Variants in CSMD3 observed in about 807,000 individuals in gnomAD.
The protein encoded by CSMD3 is CUB and Sushi multiple domains 3, also known as CUB and sushi domain-containing protein 3.
A neutral mutation model predicts 435.2 loss-of-function variants in CSMD3; 177 were observed. That is an observed-to-expected ratio of 0.41 (90% confidence interval 0.36 to 0.46). CSMD3 has a LOEUF of 0.46. Among genes scored for constraint, CSMD3 ranks in the 20% least tolerant of loss-of-function variants. The pLI is 0.34. For synonymous variants in CSMD3, 1,656 were observed against 1,520.5 expected, an observed-to-expected ratio of 1.09 and a Z score of -2.07; for missense variants, 4,265 against 4,504.6, an observed-to-expected ratio of 0.95 and a Z score of 1.52.
intron 27 of CSMD3, among the ~76,000 whole-genome samples, chr8:112,530,230 A>G (rs528151106): frequency 6.6e-6 from 1 of 152,200 alleles, no homozygotes; most frequent in Non-Finnish European, 1.5e-5. Flanking sequence ...AAAACAGGAC[A>G]GTTTACTCAA....
intron 1 of CSMD3, among the ~76,000 whole-genome samples, chr8:113,416,192 A>T (rs1588689205): frequency 6.6e-6 from 1 of 152,228 alleles, no homozygotes; most frequent in East Asian, 1.9e-4. Context: ...GTCAATTTTC[A>T]GGTATTAAAG....
chr8:112,982,862 T>C (rs752042670), intron 6 of CSMD3, among the ~76,000 whole-genome samples: 1 of 152,136 alleles, frequency 6.6e-6, no homozygotes, highest in Middle Eastern at 3.4e-3. Flanking sequence ...TTTTTCAGGA[T>C]ATAAACATAA....
At chr8:112,633,823 A>G (rs2074581674) in intron 22 of CSMD3, among the ~76,000 whole-genome samples, 1 of 152,038 alleles carries the variant, frequency 6.6e-6, no homozygotes, top group African/African-American at 2.4e-5. Context: ...TATAACCTAT[A>G]TACACACAAA....
chr8:113,223,273 A>G (rs886691949), intron 3 of CSMD3, among the ~76,000 whole-genome samples: 1 of 150,674 alleles, frequency 6.6e-6, no homozygotes, highest in African/African-American at 2.4e-5. Context: ...AATGAAATTT[A>G]CTATAAATTA....
chr8:112,230,174 T>C (rs1243467221), intron 69 of CSMD3, among the ~76,000 whole-genome samples: 1 of 152,166 alleles, frequency 6.6e-6, no homozygotes, highest in Non-Finnish European at 1.5e-5. Flanking sequence ...TCCTTTTTTG[T>C]GGGTTCTGCT....
At chr8:113,197,097 T>C (rs552483297) in intron 3 of CSMD3, among the ~76,000 whole-genome samples, 5 of 151,340 alleles carry the variant, frequency 3.3e-5, no homozygotes, top group Admixed American at 6.6e-5. Context: ...GTGATAATAA[T>C]ATCTACCTCA....
intron 22 of CSMD3, among the ~76,000 whole-genome samples, chr8:112,606,450 G>A (rs1456602085): frequency 6.6e-6 from 1 of 152,164 alleles, no homozygotes; most frequent in East Asian, 1.9e-4. Flanking sequence ...ACGCTACCAT[G>A]AGATGTATGG....
chr8:113,180,666 T>C (rs2092410292), intron 3 of CSMD3, among the ~76,000 whole-genome samples: 1 of 152,066 alleles, frequency 6.6e-6, no homozygotes, highest in Admixed American at 6.6e-5. Flanking sequence ...TAGAATTAAA[T>C]GTTTAAATAC....
At chr8:113,247,614 G>T (rs2093289000) in intron 3 of CSMD3, among the ~76,000 whole-genome samples, 1 of 152,044 alleles carries the variant, frequency 6.6e-6, no homozygotes, top group Non-Finnish European at 1.5e-5. Context: ...TGTTCATGTT[G>T]CCTTTATGAG....
intron 10 of CSMD3, among the ~76,000 whole-genome samples, chr8:112,859,685 T>C (rs543871219): frequency 6.6e-6 from 1 of 151,900 alleles, no homozygotes; most frequent in Admixed American, 6.6e-5. Context: ...AATAGTGCAG[T>C]TGAGAACCAT....
intron 12 of CSMD3, among the ~76,000 whole-genome samples, chr8:112,810,262 A>G (rs968179548): frequency 6.6e-6 from 1 of 152,176 alleles, no homozygotes; most frequent in African/African-American, 2.4e-5. Flanking sequence ...ATAATCCCAA[A>G]GTAAAAGTAA....
chr8:113,060,287 T>G (rs1294228558), intron 5 of CSMD3, among the ~76,000 whole-genome samples: 8 of 147,376 alleles, frequency 5.4e-5, no homozygotes, highest in African/African-American at 2.0e-4. Flanking sequence ...GAATGATGGT[T>G]TCCAATTTCA....
intron 12 of CSMD3, among the ~76,000 whole-genome samples, chr8:112,827,356 T>C: frequency 6.6e-6 from 1 of 151,452 alleles, no homozygotes; most frequent in East Asian, 2.0e-4. Context: ...AATGCTGAGA[T>C]GGAAGTTTTT....
chr8:112,356,384 T>C (rs1826600120), intron 38 of CSMD3, among the ~76,000 whole-genome samples: 1 of 152,288 alleles, frequency 6.6e-6, no homozygotes, highest in Non-Finnish European at 1.5e-5. Flanking sequence ...GAGGCCATTA[T>C]CTGAGGAGAA....
intron 1 of CSMD3, among the ~76,000 whole-genome samples, chr8:113,358,128 T>C (rs1179635879): frequency 1.3e-5 from 2 of 152,218 alleles, no homozygotes; most frequent in Admixed American, 6.5e-5. Context: ...AATATAATAT[T>C]GTAATGTGTT....
At chr8:112,967,428 A>T (rs545094560) in intron 7 of CSMD3, among the ~76,000 whole-genome samples, 1 of 151,922 alleles carries the variant, frequency 6.6e-6, no homozygotes, top group East Asian at 1.9e-4. Flanking sequence ...CTCCTGGTGC[A>T]CTGAGTACAA....
At chr8:112,878,692 T>C (rs2081361444) in intron 10 of CSMD3, among the ~76,000 whole-genome samples, 2 of 152,044 alleles carry the variant, frequency 1.3e-5, no homozygotes, top group Non-Finnish European at 2.9e-5. Context: ...ATAGACTAGA[T>C]AAAGAAAATG....
intron 4 of CSMD3, among the ~76,000 whole-genome samples, chr8:113,105,072 C>T (rs2090434032): frequency 6.6e-6 from 1 of 151,398 alleles, no homozygotes; most frequent in African/African-American, 2.4e-5. Flanking sequence ...GGCATTCATT[C>T]AATAAAACTT....
intron 27 of CSMD3, among the ~76,000 whole-genome samples, chr8:112,522,313 A>G (rs1824377777): frequency 6.6e-6 from 1 of 151,958 alleles, no homozygotes; most frequent in Non-Finnish European, 1.5e-5. Context: ...TTCTAATTAT[A>G]TATAAGGAAT....
Sources: allele counts gnomAD v4.1 joint callset (sites outside exome capture counted in the v4.1 genomes callset), GRCh38; gene constraint gnomAD v4.1.1; transcripts MANE v1.5; gene names NCBI Gene and HGNC (gene_info 2026-07-23, HGNC 2026-07-21).